Variants in AGTPBP1 observed in about 807,000 individuals in gnomAD.
AGTPBP1 encodes the protein ATP/GTP binding carboxypeptidase 1.
Under a neutral mutation model 143.9 loss-of-function variants are expected in AGTPBP1, and 70 were observed. The ratio of observed to expected loss-of-function variants is 0.49; its 90% CI spans 0.40 to 0.59. The LOEUF (loss-of-function observed/expected upper bound fraction) is 0.59, where lower values mean the gene tolerates loss of function less well. AGTPBP1 is among the 20% of genes least tolerant of loss of function. AGTPBP1 has a pLI of 0.00. For missense variants in AGTPBP1, 1,229 were observed against 1,464.5 expected, an observed-to-expected ratio of 0.84 and a Z score of 2.62; for synonymous variants, 463 against 500.2, an observed-to-expected ratio of 0.93 and a Z score of 0.99.
chr9:85,775,707 A>G, the AGTPBP1 span, among the ~76,000 whole-genome samples: 1 of 151,906 alleles, frequency 6.6e-6, no homozygotes, highest in Non-Finnish European at 1.5e-5. Flanking sequence ...TCTCAAAACT[A>G]AAGAACTTGG....
chr9:85,562,564 A>C (rs1035035567), intron 25 of AGTPBP1, among the ~76,000 whole-genome samples: 3 of 152,182 alleles, frequency 2.0e-5, no homozygotes, highest in Non-Finnish European at 4.4e-5. Context: ...GCTCTGTTTA[A>C]TTTACATCTA....
chr9:85,565,019 C>T (rs1018044870), intron 25 of AGTPBP1, among the ~76,000 whole-genome samples: 1 of 152,154 alleles, frequency 6.6e-6, no homozygotes, highest in Admixed American at 6.5e-5. Flanking sequence ...CAGGCCCTCA[C>T]CAAACACCAA....
intron 23 of AGTPBP1, among the ~76,000 whole-genome samples, chr9:85,581,288 A>G (rs1178046321): frequency 6.6e-6 from 1 of 152,212 alleles, no homozygotes; most frequent in Non-Finnish European, 1.5e-5. Context: ...TTAAAGCAAC[A>G]CAGCTCATTT....
chr9:85,720,014 C>G (rs1308948048), intron 1 of AGTPBP1, among the ~76,000 whole-genome samples: 1 of 152,174 alleles, frequency 6.6e-6, no homozygotes, highest in Non-Finnish European at 1.5e-5. Context: ...ATGAAGCCAA[C>G]TTGATTGTGG....
chr9:85,764,632 A>C, the AGTPBP1 span: 55 of 607,130 alleles, frequency 9.1e-5, no homozygotes, highest in East Asian at 5.0e-4. Context: ...AATTTTCTCT[A>C]TGTTTTTCCT....
At chr9:85,555,075 C>G (rs147677769) in intron 25 of AGTPBP1, among the ~76,000 whole-genome samples, 313 of 152,194 alleles carry the variant, frequency 2.1e-3, no homozygotes, top group African/African-American at 7.2e-3. Flanking sequence ...TAAATTAAAC[C>G]TGCTGAGGAA....
intron 4 of AGTPBP1, among the ~76,000 whole-genome samples, chr9:85,680,457 A>T (rs1835098409): frequency 6.6e-6 from 1 of 152,064 alleles, no homozygotes; most frequent in Non-Finnish European, 1.5e-5. Context: ...GGTGGTGTGC[A>T]CCTATAATCC....
At chr9:85,753,996 G>T in the AGTPBP1 span, among the ~76,000 whole-genome samples, 1 of 152,060 alleles carries the variant, frequency 6.6e-6, no homozygotes, top group Non-Finnish European at 1.5e-5. Context: ...TAATCCTGTT[G>T]CCCAAGTAGT....
chr9:85,770,011 A>G, the AGTPBP1 span, among the ~76,000 whole-genome samples: 1 of 150,990 alleles, frequency 6.6e-6, no homozygotes, highest in African/African-American at 2.4e-5. Context: ...TGTCTTTTCC[A>G]TTTTATTCCA....
chr9:85,707,495 T>C (rs4877949), intron 2 of AGTPBP1, among the ~76,000 whole-genome samples: 48,644 of 151,670 alleles, frequency 0.32, 12,345 homozygotes, highest in East Asian at 0.77. Flanking sequence ...CCAGGCTGAT[T>C]GAGAAAAAAA....
chr9:85,600,575 C>T (rs1829598100), intron 17 of AGTPBP1, among the ~76,000 whole-genome samples: 1 of 151,926 alleles, frequency 6.6e-6, no homozygotes, highest in African/African-American at 2.4e-5. Flanking sequence ...GGGAGGCTTC[C>T]CAGTACAGGA....
Position 85,627,054 on chromosome 9 carries a change from G to C in AGTPBP1, c.2015+5608C>G, listed in dbSNP as rs531253172. On this transcript the variant is annotated intron_variant, in intron 14 of 25. Transcript: ENST00000357081. ...TGACCAACAAGAAACACATTTTAAA[G>C]ATCACAAGCCTACAAAAGAGAAACA... 3.3e-5 allele frequency among the ~76,000 whole-genome samples: 5 copies of C among 152,216 alleles called. No homozygotes were observed. The East Asian group carries it at 5.8e-4, about 18-fold the overall frequency.
chr9:85,762,151 G>A, the AGTPBP1 span, among the ~76,000 whole-genome samples: 1 of 152,080 alleles, frequency 6.6e-6, no homozygotes, highest in East Asian at 1.9e-4. Flanking sequence ...GGAGAAATAG[G>A]AACACTTTTA....
chr9:85,572,722 G>A (rs1231145282), intron 25 of AGTPBP1, among the ~76,000 whole-genome samples: 3 of 152,112 alleles, frequency 2.0e-5, no homozygotes, highest in Admixed American at 6.5e-5. Flanking sequence ...AAGAATACAC[G>A]AATTAAAAGT....
At chr9:85,799,689 A>G in the AGTPBP1 span, among the ~76,000 whole-genome samples, 1 of 151,976 alleles carries the variant, frequency 6.6e-6, no homozygotes, top group East Asian at 1.9e-4. Flanking sequence ...CCAATTTTTT[A>G]TTATTTTTCG....
intron 1 of AGTPBP1, among the ~76,000 whole-genome samples, chr9:85,727,424 A>G (rs774421123): frequency 6.6e-6 from 1 of 152,208 alleles, no homozygotes; most frequent in Non-Finnish European, 1.5e-5. Context: ...TTAAAGTTCT[A>G]ATTGAAGCTC....
chr9:85,694,500 T>C (rs1836102708), intron 2 of AGTPBP1, among the ~76,000 whole-genome samples: 1 of 152,220 alleles, frequency 6.6e-6, no homozygotes, highest in Non-Finnish European at 1.5e-5. Flanking sequence ...TGGTCACTTC[T>C]AACCCCAACA....
chr9:85,735,469 C>T (rs1839183761), intron 1 of AGTPBP1, among the ~76,000 whole-genome samples: 1 of 152,086 alleles, frequency 6.6e-6, no homozygotes, highest in Non-Finnish European at 1.5e-5. Flanking sequence ...GTGGCTGCCG[C>T]ACAACAATGT....
At chr9:85,675,493 TAAAG>T (rs747839398) in intron 6 of AGTPBP1, among the ~76,000 whole-genome samples, 1 of 152,180 alleles carries the variant, frequency 6.6e-6, no homozygotes, top group Non-Finnish European at 1.5e-5. Flanking sequence ...ATATGACTAT[TAAAG>T]AAAGCAGTGA....
Sources: allele counts gnomAD v4.1 joint callset (sites outside exome capture counted in the v4.1 genomes callset), GRCh38; gene constraint gnomAD v4.1.1; transcripts MANE v1.5; gene names NCBI Gene and HGNC (gene_info 2026-07-23, HGNC 2026-07-21).